The following GRIP1 variants were observed in gnomAD, a reference collection of about 807,000 sequenced individuals.
The protein encoded by GRIP1 is glutamate receptor interacting protein 1, also known as glutamate receptor-interacting protein 1.
A neutral mutation model predicts 129.9 loss-of-function variants in GRIP1; 45 were observed. The observed-to-expected ratio is 0.35, with a 90% CI of 0.27 to 0.44. The LOEUF is 0.44. GRIP1 is among the 20% of genes least tolerant of loss of function. The probability of loss-of-function intolerance (pLI) is 1.00; values close to 1 mark genes in which losing one functional copy is unlikely to be tolerated. For missense variants in GRIP1, 1,196 were observed against 1,396.8 expected (o/e 0.86, Z 2.29); for synonymous variants, 530 against 520.8 (o/e 1.02, Z -0.24).
At chr12:66,383,530 G>A (rs2056217231) in intron 19 of GRIP1, among the ~76,000 whole-genome samples, 1 of 152,164 alleles carries the variant, frequency 6.6e-6, no homozygotes, top group South Asian at 2.1e-4. Flanking sequence ...CCCAACTGGT[G>A]AGTTTTGGAA....
intron 2 of GRIP1, among the ~76,000 whole-genome samples, chr12:66,560,849 G>A (rs1261533287): frequency 6.6e-6 from 1 of 152,044 alleles, no homozygotes; most frequent in Admixed American, 6.6e-5. Flanking sequence ...AAGCCCTAAA[G>A]AAAGGAAATT....
intron 1 of GRIP1, among the ~76,000 whole-genome samples, chr12:66,895,038 T>C (rs1379911115): frequency 6.6e-6 from 1 of 152,144 alleles, no homozygotes; most frequent in Non-Finnish European, 1.5e-5. Context: ...ACCCCCAATG[T>C]GCCAGATTGT....
intron 1 of GRIP1, among the ~76,000 whole-genome samples, chr12:66,724,493 AAGTC>A (rs1291251838): frequency 1.5e-4 from 23 of 152,170 alleles, no homozygotes; most frequent in African/African-American, 5.6e-4. Context: ...TTTCAGTGAA[AAGTC>A]AGTCAGCTTC....
intron 2 of GRIP1, among the ~76,000 whole-genome samples, chr12:66,584,905 G>C (rs2063556346): frequency 6.6e-6 from 1 of 151,770 alleles, no homozygotes; most frequent in African/African-American, 2.4e-5. Flanking sequence ...TAAGGAAATA[G>C]AGCAATCAGA....
chr12:66,672,444 G>A (rs1371711524), intron 1 of GRIP1, among the ~76,000 whole-genome samples: 2 of 151,994 alleles, frequency 1.3e-5, no homozygotes, highest in Non-Finnish European at 2.9e-5. Context: ...TTTGAAGGGT[G>A]CAGTAACATC....
At chr12:66,844,813 C>A (rs2137059633) in intron 1 of GRIP1, among the ~76,000 whole-genome samples, 1 of 152,246 alleles carries the variant, frequency 6.6e-6, no homozygotes, top group Non-Finnish European at 1.5e-5. Context: ...GATGCTGTAA[C>A]ATGGGTGAAC....
At chr12:66,586,276 C>T (rs919002027) in intron 2 of GRIP1, among the ~76,000 whole-genome samples, 25 of 152,186 alleles carry the variant, frequency 1.6e-4, no homozygotes, top group African/African-American at 6.0e-4. Flanking sequence ...TCTCATTCAT[C>T]TCATCATCAA....
intron 1 of GRIP1, among the ~76,000 whole-genome samples, chr12:67,033,271 G>GTATGTATA (rs1555166962): frequency 1.7e-4 from 24 of 143,032 alleles, no homozygotes; most frequent in African/African-American, 4.8e-4. Flanking sequence ...AAGACTACAT[G>GTATGTATA]TATATATATA....
chr12:66,980,337 G>A (rs2042225209), intron 1 of GRIP1, among the ~76,000 whole-genome samples: 1 of 152,182 alleles, frequency 6.6e-6, no homozygotes. Flanking sequence ...ATGTGGCTAG[G>A]CGTGGTGGTT....
At chr12:66,723,300 C>CTT (rs2036143735) in intron 1 of GRIP1, among the ~76,000 whole-genome samples, 1 of 42,568 alleles carries the variant, frequency 2.3e-5, no homozygotes, top group Non-Finnish European at 4.1e-5. Flanking sequence ...TTCTTTCTTT[C>CTT]TTTCTTTTTT....
chr12:66,668,029 G>C (rs2033888240), intron 1 of GRIP1, among the ~76,000 whole-genome samples: 1 of 152,046 alleles, frequency 6.6e-6, no homozygotes, highest in Non-Finnish European at 1.5e-5. Context: ...CTTGTTTCTT[G>C]ATATCCTTTT....
chr12:66,452,455 C>G (rs560964967), intron 11 of GRIP1, among the ~76,000 whole-genome samples: 28 of 152,194 alleles, frequency 1.8e-4, no homozygotes, highest in Non-Finnish European at 4.0e-4. Context: ...TATATACAGA[C>G]TTCTTGTATT....
At chr12:66,810,825 G>T (rs558676919) in intron 1 of GRIP1, among the ~76,000 whole-genome samples, 1 of 152,100 alleles carries the variant, frequency 6.6e-6, no homozygotes, top group Non-Finnish European at 1.5e-5. Flanking sequence ...CTACTTATTT[G>T]TGTTGTTTAT....
chr12:66,871,918 C>G (rs1258062476), intron 1 of GRIP1, among the ~76,000 whole-genome samples: 1 of 152,054 alleles, frequency 6.6e-6, no homozygotes, highest in Non-Finnish European at 1.5e-5. Context: ...TCAGCTGACT[C>G]TAGTTTTGCT....
At chr12:67,049,757 C>T (rs970227909) in intron 1 of GRIP1, among the ~76,000 whole-genome samples, 1 of 150,066 alleles carries the variant, frequency 6.7e-6, no homozygotes, top group African/African-American at 2.4e-5. Context: ...GACTTAGCTT[C>T]TTTAAGCCCT....
At chr12:66,989,641 A>G (rs1458182186) in intron 1 of GRIP1, among the ~76,000 whole-genome samples, 2 of 152,188 alleles carry the variant, frequency 1.3e-5, no homozygotes, top group African/African-American at 4.8e-5. Flanking sequence ...TTAAAACCAA[A>G]TATGGTCAGA....
At chr12:66,554,440 C>G (rs1428011608) in intron 2 of GRIP1, among the ~76,000 whole-genome samples, 1 of 152,148 alleles carries the variant, frequency 6.6e-6, no homozygotes, top group Non-Finnish European at 1.5e-5. Flanking sequence ...CTGAGACATG[C>G]TGGCTTCAAG....
At position 66,419,827 on chromosome 12, in the gene GRIP1, G is replaced by A. The variant is rs182504352; in HGVS notation, c.1838+893C>T. On this transcript the variant is annotated intron_variant, in intron 15 of 24. Coordinates refer to ENST00000359742, the MANE Select transcript of GRIP1 (RefSeq NM_001366722.1). ...AAGTATTTCTTGGGCTGGGTGTGGC[G>A]GTTCACACCTATAATCCCAGCACTC... Among the ~76,000 whole-genome samples, 853 of 152,268 alleles carry A rather than the reference G, an allele frequency of 5.6e-3. 13 individuals are homozygous for A. Among genetic ancestry groups the A allele is most frequent in the African/African-American group, 0.019 (773 of 41,544 alleles).
intron 16 of GRIP1, among the ~76,000 whole-genome samples, chr12:66,401,370 G>C (rs760423039): frequency 6.6e-6 from 1 of 151,788 alleles, no homozygotes; most frequent in African/African-American, 2.4e-5. Context: ...CTGAGGTCAG[G>C]AGTTCGAGAC....
Sources: allele counts gnomAD v4.1 joint callset (sites outside exome capture counted in the v4.1 genomes callset), GRCh38; gene constraint gnomAD v4.1.1; transcripts MANE v1.5; gene names NCBI Gene and HGNC (gene_info 2026-07-23, HGNC 2026-07-21).